CDH4: variants seen among roughly 807,000 people sequenced by gnomAD.
CDH4 encodes the protein cadherin 4.
CDH4 carries 33 observed loss-of-function variants against 86.0 expected under a neutral mutation model. The observed-to-expected ratio is 0.38, with a 90% CI of 0.29 to 0.51. The LOEUF (loss-of-function observed/expected upper bound fraction) is 0.51. Among genes scored for constraint, CDH4 ranks in the 20% least tolerant of loss-of-function variants. The pLI, the probability that CDH4 is intolerant of heterozygous loss-of-function variation, is 0.86. For missense variants in CDH4, 1,114 were observed against 1,307.4 expected, an observed-to-expected ratio of 0.85 and a Z score of 2.28; for synonymous variants, 555 against 549.4, an observed-to-expected ratio of 1.01 and a Z score of -0.14.
chr20:61,792,597 A>G (rs1329250319), intron 4 of CDH4, among the ~76,000 whole-genome samples: 3 of 152,148 alleles, frequency 2.0e-5, no homozygotes, highest in Admixed American at 6.5e-5. Flanking sequence ...TCCACCCCAA[A>G]AAATGTAAAT....
At chr20:61,342,730 G>A (rs972942189) in intron 2 of CDH4, among the ~76,000 whole-genome samples, 1 of 142,856 alleles carries the variant, frequency 7.0e-6, no homozygotes, top group Admixed American at 6.9e-5. Context: ...CAGTATCCTG[G>A]GCGGGGAGAT....
intron 2 of CDH4, among the ~76,000 whole-genome samples, chr20:61,406,140 C>T (rs534694538): frequency 1.2e-4 from 19 of 152,318 alleles, no homozygotes; most frequent in African/African-American, 4.6e-4. Flanking sequence ...CAATCTCTGT[C>T]GGGATTTTTC....
intron 4 of CDH4, among the ~76,000 whole-genome samples, chr20:61,803,449 G>A (rs1979945330): frequency 6.6e-6 from 1 of 152,256 alleles, no homozygotes; most frequent in Non-Finnish European, 1.5e-5. Context: ...ACTTTATTTG[G>A]AAATATGAAA....
At chr20:61,655,850 C>T (rs1477934011) in intron 2 of CDH4, among the ~76,000 whole-genome samples, 6 of 152,194 alleles carry the variant, frequency 3.9e-5, no homozygotes, top group East Asian at 3.9e-4. Context: ...AGTCGGTGAA[C>T]GGCACAGCCC....
At chr20:61,271,288 A>T (rs1014388919) in intron 2 of CDH4, among the ~76,000 whole-genome samples, 1 of 152,170 alleles carries the variant, frequency 6.6e-6, no homozygotes, top group Non-Finnish European at 1.5e-5. Flanking sequence ...CTGCGACGAG[A>T]GCAAATGTGG....
intron 4 of CDH4, among the ~76,000 whole-genome samples, chr20:61,821,749 G>GA (rs980571354): frequency 1.8e-4 from 27 of 152,234 alleles, no homozygotes; most frequent in Non-Finnish European, 3.4e-4. Context: ...AAAAGCAAAG[G>GA]AAAAAATCCT....
At chr20:61,259,718 G>A (rs549028310) in intron 2 of CDH4, among the ~76,000 whole-genome samples, 1 of 152,080 alleles carries the variant, frequency 6.6e-6, no homozygotes, top group Non-Finnish European at 1.5e-5. Context: ...TAGTCCATTG[G>A]CTGACAATGT....
At chr20:61,270,847 G>T (rs1234834216) in intron 2 of CDH4, among the ~76,000 whole-genome samples, 2 of 152,102 alleles carry the variant, frequency 1.3e-5, no homozygotes, top group Non-Finnish European at 2.9e-5. Flanking sequence ...AGGCAGCTCT[G>T]GAGTGGTGAG....
chr20:61,451,125 C>CT (rs2085377219), intron 2 of CDH4, among the ~76,000 whole-genome samples: 2 of 98,422 alleles, frequency 2.0e-5, no homozygotes, highest in African/African-American at 4.3e-5. Flanking sequence ...CTCTCACGCC[C>CT]CCCCCCTTCC....
At chr20:61,723,510 G>A (rs2088067334) in intron 2 of CDH4, among the ~76,000 whole-genome samples, 1 of 152,182 alleles carries the variant, frequency 6.6e-6, no homozygotes, top group South Asian at 2.1e-4. Flanking sequence ...CTGAGGGACT[G>A]GGCATGATGG....
chr20:61,845,524 G>A (rs1461425644), intron 5 of CDH4, among the ~76,000 whole-genome samples: 1 of 152,236 alleles, frequency 6.6e-6, no homozygotes, highest in Non-Finnish European at 1.5e-5. Flanking sequence ...AGGGTCCAGA[G>A]CTGTCCATCA....
chr20:61,297,745 A>G (rs1392507739), intron 2 of CDH4, among the ~76,000 whole-genome samples: 12 of 152,268 alleles, frequency 7.9e-5, no homozygotes, highest in African/African-American at 2.4e-4. Flanking sequence ...CGTGTATGAT[A>G]GAGACATTAG....
chr20:61,778,933 G>A (rs558594918), intron 4 of CDH4, among the ~76,000 whole-genome samples: 1 of 152,316 alleles, frequency 6.6e-6, no homozygotes, highest in Admixed American at 6.5e-5. Flanking sequence ...GGCTTCAGGG[G>A]AGAGAGGATA....
At chr20:61,700,492 T>A (rs1600889335) in intron 2 of CDH4, among the ~76,000 whole-genome samples, 1 of 152,294 alleles carries the variant, frequency 6.6e-6, no homozygotes, top group East Asian at 1.9e-4. Flanking sequence ...AGTTCCTTGG[T>A]AGCACGTCAG....
At chr20:61,877,067 C>T (rs1335988604) in intron 7 of CDH4, among the ~76,000 whole-genome samples, 2 of 152,166 alleles carry the variant, frequency 1.3e-5, no homozygotes, top group African/African-American at 4.8e-5. Flanking sequence ...CTGGTGCACC[C>T]TACGGGAGGG....
At chr20:61,747,740 A>G (rs539735680) in intron 3 of CDH4, among the ~76,000 whole-genome samples, 2 of 152,344 alleles carry the variant, frequency 1.3e-5, no homozygotes, top group East Asian at 3.9e-4. Context: ...GATACACAGA[A>G]GGAAAATACA....
chr20:61,680,898 C>T (rs1054757471), intron 2 of CDH4, among the ~76,000 whole-genome samples: 2 of 152,174 alleles, frequency 1.3e-5, no homozygotes, highest in African/African-American at 4.8e-5. Flanking sequence ...CGCCTGTCTC[C>T]AGGATGCACC....
intron 2 of CDH4, among the ~76,000 whole-genome samples, chr20:61,546,209 CGT>C (rs1376368316): frequency 1.3e-4 from 8 of 60,434 alleles, no homozygotes; most frequent in African/African-American, 4.6e-4. Context: ...CACATTCGTG[CGT>C]GTGTGTGGAG....
intron 2 of CDH4, among the ~76,000 whole-genome samples, chr20:61,565,424 G>A (rs1179541677): frequency 7.0e-6 from 1 of 143,424 alleles, no homozygotes. Flanking sequence ...TGCTATTGTT[G>A]TTGCTGTTCT....
Sources: gnomAD v4.1 joint callset for allele counts (sites outside exome capture counted in the v4.1 genomes callset) on GRCh38, gnomAD v4.1.1 for gene constraint, MANE v1.5 for transcripts, NCBI Gene and HGNC (gene_info 2026-07-23, HGNC 2026-07-21) for gene names.